SYT16: variants seen among roughly 807,000 people sequenced by gnomAD.
SYT16 encodes synaptotagmin-16.
Under a neutral mutation model 61.4 loss-of-function variants are expected in SYT16, and 42 were observed. The ratio of observed to expected loss-of-function variants is 0.68; its 90% CI spans 0.53 to 0.89. The LOEUF (loss-of-function observed/expected upper bound fraction) is 0.89. SYT16 is among the 40% of genes least tolerant of loss of function. SYT16 has a pLI of 0.00. For missense variants in SYT16, 804 were observed against 807.3 expected (o/e 1.00, Z 0.05); for synonymous variants, 314 against 302.3 (o/e 1.04, Z -0.40).
intron 1 of SYT16, among the ~76,000 whole-genome samples, chr14:61,822,112 A>G (rs191394217): frequency 2.0e-5 from 3 of 152,222 alleles, no homozygotes; most frequent in African/African-American, 2.4e-5. Flanking sequence ...GCTCAGTCCA[A>G]TTCCGAAAGC....
In SYT16 at chr14:62,069,730, G is replaced by A. The variant is rs923876508; in HGVS notation, c.651G>A (p.Lys217=). The part of the protein sequence containing the change: ...SFRSVTSEKG[K]QTGLEQKPKF... The stretch of plus-strand genomic sequence containing the variant: ...GTTCAGTGACATCTGAGAAAGGAAA[G>A]CAGACAGGATTGGAGCAGAAACCAA... The change falls in exon 4 of 8, where the codon AAG becomes AAA. Residue 217 remains lysine, a synonymous_variant. Transcript: ENST00000683842. 1.2e-6 allele frequency: 2 copies of A among 1,613,880 alleles called. No homozygotes were observed. The highest frequency in any genetic ancestry group is 2.7e-5 in the African/African-American group (2 of 74,922).
At chr14:62,078,757 G>A (rs913042597) in intron 5 of SYT16, among the ~76,000 whole-genome samples, 4 of 152,228 alleles carry the variant, frequency 2.6e-5, no homozygotes, top group Non-Finnish European at 5.9e-5. Context: ...ATATATTGGT[G>A]TCAAGCAGGG....
At chr14:62,075,440 C>G in intron 5 of SYT16, 49 bp downstream of exon 5, 2 of 1,530,472 alleles carry the variant, frequency 1.3e-6, no homozygotes, top group Non-Finnish European at 1.8e-6. Context: ...TCCCCTTCCC[C>G]TCTTTCCACT....
chr14:62,110,249 A>G lies in SYT16; in HGVS notation c.*9542A>G, dbSNP rs1007777181. 3.9e-5 allele frequency: 6 copies of G among 152,192 alleles called. No homozygotes were observed. The highest frequency in any genetic ancestry group is 1.4e-4 in the African/African-American group (6 of 41,532). 9.4% of individuals were successfully genotyped at this position (152,192 alleles called of 1,614,324 possible). ...GCTCTAAAATGAATATCAAGTCACA[A>G]TTTTTTCAAGCCTTCATTGTTGCAT... On this transcript the variant is annotated 3_prime_UTR_variant, in exon 8 of 8. Coordinates refer to ENST00000683842, the MANE Select transcript of SYT16 (RefSeq NM_001367656.1).
chr14:61,999,842 C>G (rs1291340771), intron 3 of SYT16, among the ~76,000 whole-genome samples: 1 of 151,598 alleles, frequency 6.6e-6, no homozygotes, highest in Non-Finnish European at 1.5e-5. Flanking sequence ...GATTAAGTTC[C>G]AAATATTGGG....
intron 3 of SYT16, among the ~76,000 whole-genome samples, chr14:62,041,844 C>T (rs948700304): frequency 6.6e-6 from 1 of 152,042 alleles, no homozygotes; most frequent in Non-Finnish European, 1.5e-5. Flanking sequence ...GATTATTTTT[C>T]TCTGTGTTTC....
chr14:61,839,452 C>A (rs527540392), intron 1 of SYT16, among the ~76,000 whole-genome samples: 5 of 152,248 alleles, frequency 3.3e-5, no homozygotes, highest in African/African-American at 1.2e-4. Flanking sequence ...AATGGACTAA[C>A]ACAGAAGTGA....
intron 1 of SYT16, among the ~76,000 whole-genome samples, chr14:61,858,136 A>AAAAAAAAGAAAG (rs2046839628): frequency 6.7e-6 from 1 of 149,414 alleles, no homozygotes; most frequent in Non-Finnish European, 1.5e-5. Context: ...AAAAAAAAAA[A>AAAAAAAAGAAAG]AAAAAAAGAA....
intron 2 of SYT16, among the ~76,000 whole-genome samples, chr14:61,986,999 A>G (rs539242516): frequency 3.3e-5 from 5 of 152,334 alleles, no homozygotes; most frequent in African/African-American, 9.6e-5. Flanking sequence ...GATGGGTATT[A>G]AAAGAAATAA....
intron 1 of SYT16, among the ~76,000 whole-genome samples, chr14:61,930,887 A>C (rs1271103797): frequency 6.6e-6 from 1 of 152,182 alleles, no homozygotes; most frequent in Non-Finnish European, 1.5e-5. Flanking sequence ...AGGAAAAGAT[A>C]AGAAAATGGA....
At chr14:61,927,744 G>A (rs140581876) in intron 1 of SYT16, among the ~76,000 whole-genome samples, 79 of 152,270 alleles carry the variant, frequency 5.2e-4, no homozygotes, top group African/African-American at 1.8e-3. Flanking sequence ...ACCCCTGCTA[G>A]GTGGGAACTG....
chr14:61,862,109 T>C (rs75556384), intron 1 of SYT16, among the ~76,000 whole-genome samples: 2,054 of 152,342 alleles, frequency 0.013, 59 homozygotes, highest in African/African-American at 0.047. Context: ...TATATTCTTA[T>C]AGCTTTATGA....
chr14:61,932,833 G>C (rs2049830324), intron 1 of SYT16, among the ~76,000 whole-genome samples: 2 of 152,164 alleles, frequency 1.3e-5, no homozygotes, highest in Admixed American at 1.3e-4. Context: ...TTATATGGCA[G>C]GGAGTGAGTC....
At chr14:61,920,794 T>C (rs2049305433) in intron 1 of SYT16, among the ~76,000 whole-genome samples, 1 of 152,238 alleles carries the variant, frequency 6.6e-6, no homozygotes, top group Non-Finnish European at 1.5e-5. Flanking sequence ...TTAATCTTTA[T>C]AACACCGTCG....
chr14:61,922,075 A>G (rs988046308), intron 1 of SYT16, among the ~76,000 whole-genome samples: 1 of 152,244 alleles, frequency 6.6e-6, no homozygotes, highest in Non-Finnish European at 1.5e-5. Flanking sequence ...TTAGGGCTCA[A>G]CTTAGTGCCT....
chr14:61,948,077 A>G (rs1264073052), intron 1 of SYT16, among the ~76,000 whole-genome samples: 1 of 152,180 alleles, frequency 6.6e-6, no homozygotes, highest in Non-Finnish European at 1.5e-5. Flanking sequence ...TGGTTTAGAA[A>G]GAGTCTTGAA....
Position 61,845,939 on chromosome 14 carries a change from G to T in SYT16, c.-325+33129G>T, listed in dbSNP as rs772982334. On this transcript the variant is annotated intron_variant, in intron 1 of 7. Coordinates refer to ENST00000683842, the MANE Select transcript of SYT16 (RefSeq NM_001367656.1). ...TTCTTAATTTCTCCGTAGACCCATT[G>T]GTCATTCAGGAGCATATTGTTTAAT... Among the ~76,000 whole-genome samples, 4 of 152,116 alleles carry T rather than the reference G, an allele frequency of 2.6e-5. 1 individual carries two copies. In the South Asian group the frequency reaches 6.2e-4, roughly 24 times the overall value.
At position 61,862,030 on chromosome 14, in the gene SYT16, AACAC is replaced by A. The variant is rs201387114; in HGVS notation, c.-325+49226_-325+49229del. Among the ~76,000 whole-genome samples the A allele has an allele frequency of 7.2e-5, 11 of 152,362 alleles. No individual in the cohort carries two copies. The South Asian group carries it at 2.3e-3, about 32-fold the overall frequency. On this transcript the variant is annotated intron_variant, in intron 1 of 7. Transcript: ENST00000683842. ...CTACAAACTTTCAATTTGTAAAAAA[AACAC>A]ACACAATATCTGCAAATCACAATAA... is the stretch of plus-strand genomic sequence containing the variant.
At position 62,081,169 on chromosome 14, in the gene SYT16, G is replaced by T; in HGVS notation, c.1329G>T (p.Met443Ile). Residue 443 changes from methionine to isoleucine, a missense_variant, in exon 6 of 8, where the codon ATG (methionine) becomes ATT (isoleucine). By Grantham distance (10) the Met-to-Ile change is conservative. Transcript: ENST00000683842. ...TCCGCCTGTACGCTGCCCGGAAGAT[G>T]ACCCGAGAGAGAATGATGGGAGAGA... ...VRFRLYAARK[M>I]TRERMMGEKL... 6.2e-7 allele frequency: 1 copy of T among 1,613,986 alleles called. No individual in the cohort carries two copies. The highest frequency in any genetic ancestry group is 8.5e-7 in the Non-Finnish European group (1 of 1,179,900).
Sources: gnomAD v4.1 joint callset for allele counts (sites outside exome capture counted in the v4.1 genomes callset) on GRCh38, gnomAD v4.1.1 for gene constraint, MANE v1.5 for transcripts, NCBI Gene and HGNC (gene_info 2026-07-23, HGNC 2026-07-21) for gene names.